Variants in GPC5 observed in about 807,000 individuals in gnomAD.
GPC5 encodes the protein glypican-5.
Under a neutral mutation model 53.9 loss-of-function variants are expected in GPC5, and 47 were observed. The observed-to-expected ratio is 0.87, with a 90% CI of 0.69 to 1.11. The LOEUF (loss-of-function observed/expected upper bound fraction) is 1.11. Ranked by LOEUF, GPC5 falls within the 50% of genes most tolerant of loss-of-function variation. The pLI, the probability that GPC5 is intolerant of heterozygous loss-of-function variation, is 0.00. For synonymous variants in GPC5, 286 were observed against 263.3 expected, an observed-to-expected ratio of 1.09 and a Z score of -0.84; for missense variants, 748 against 713.1, an observed-to-expected ratio of 1.05 and a Z score of -0.56.
At chr13:91,774,833 C>G (rs2037683918) in intron 5 of GPC5, among the ~76,000 whole-genome samples, 1 of 152,154 alleles carries the variant, frequency 6.6e-6, no homozygotes, top group Non-Finnish European at 1.5e-5. Flanking sequence ...TGACTCCAGC[C>G]CAGACCGCCT....
chr13:91,791,024 A>T (rs2037955884), intron 5 of GPC5, among the ~76,000 whole-genome samples: 1 of 152,232 alleles, frequency 6.6e-6, no homozygotes, highest in African/African-American at 2.4e-5. Flanking sequence ...CCAGACTTTT[A>T]ACAGAGACTG....
chr13:91,491,645 C>T (rs1883947712), intron 2 of GPC5, among the ~76,000 whole-genome samples: 1 of 152,090 alleles, frequency 6.6e-6, no homozygotes. Context: ...ACTTCTTGCC[C>T]TTGCTCCTGA....
At chr13:92,442,153 A>G (rs2139387085) in intron 7 of GPC5, among the ~76,000 whole-genome samples, 1 of 152,342 alleles carries the variant, frequency 6.6e-6, no homozygotes. Context: ...CTAGGATGGA[A>G]TCAAAATGAA....
intron 7 of GPC5, among the ~76,000 whole-genome samples, chr13:92,148,448 T>C (rs1472064318): frequency 2.6e-5 from 4 of 152,130 alleles, no homozygotes; most frequent in Non-Finnish European, 5.9e-5. Context: ...TTCTAAATAA[T>C]TTCTATTTGT....
intron 2 of GPC5, among the ~76,000 whole-genome samples, chr13:91,562,226 A>T (rs1267539969): frequency 1.3e-5 from 2 of 149,802 alleles, no homozygotes; most frequent in Non-Finnish European, 3.0e-5. Flanking sequence ...TAGAGAATTC[A>T]CAATGCAGGT....
At chr13:92,708,625 G>A (rs1452086834) in intron 7 of GPC5, among the ~76,000 whole-genome samples, 1 of 151,998 alleles carries the variant, frequency 6.6e-6, no homozygotes, top group Non-Finnish European at 1.5e-5. Context: ...AAAAGTCAGA[G>A]AGTGAAAGTT....
intron 7 of GPC5, among the ~76,000 whole-genome samples, chr13:92,596,744 T>G (rs1883896316): frequency 6.6e-6 from 1 of 152,204 alleles, no homozygotes; most frequent in Non-Finnish European, 1.5e-5. Flanking sequence ...AGTGTTGGGA[T>G]TACAGGCATC....
At chr13:92,382,503 A>G (rs2139309636) in intron 7 of GPC5, among the ~76,000 whole-genome samples, 1 of 152,282 alleles carries the variant, frequency 6.6e-6, no homozygotes. Context: ...GTTACTGATC[A>G]CCATGAAAAG....
chr13:92,699,262 T>C (rs1443694820), intron 7 of GPC5, among the ~76,000 whole-genome samples: 1 of 152,194 alleles, frequency 6.6e-6, no homozygotes, highest in Non-Finnish European at 1.5e-5. Context: ...TTCTGTTGGA[T>C]TGGTGTTGAT....
At chr13:92,322,432 A>G (rs938956128) in intron 7 of GPC5, among the ~76,000 whole-genome samples, 47 of 152,204 alleles carry the variant, frequency 3.1e-4, no homozygotes, top group African/African-American at 1.1e-3. Flanking sequence ...TTAAACATTT[A>G]TAGTTTGGAA....
chr13:91,914,988 G>T (rs1447624403), intron 6 of GPC5, among the ~76,000 whole-genome samples: 1 of 152,106 alleles, frequency 6.6e-6, no homozygotes, highest in African/African-American at 2.4e-5. Context: ...ACGGTAGCAT[G>T]TCAGCTGATT....
At chr13:91,827,745 T>C (rs1315693517) in intron 5 of GPC5, among the ~76,000 whole-genome samples, 1 of 152,130 alleles carries the variant, frequency 6.6e-6, no homozygotes, top group Non-Finnish European at 1.5e-5. Flanking sequence ...TGATTGAAGT[T>C]TAGAATGATA....
At chr13:92,754,550 T>A (rs927798076) in intron 7 of GPC5, among the ~76,000 whole-genome samples, 6 of 151,064 alleles carry the variant, frequency 4.0e-5, no homozygotes, top group Non-Finnish European at 8.8e-5. Context: ...GGATAAAGAG[T>A]CAAGACCCAA....
intron 7 of GPC5, among the ~76,000 whole-genome samples, chr13:92,754,651 G>A (rs1174659568): frequency 6.0e-5 from 9 of 150,266 alleles, no homozygotes; most frequent in Non-Finnish European, 1.3e-4. Flanking sequence ...CAAGCAAATG[G>A]AAAACAAAAA....
intron 7 of GPC5, among the ~76,000 whole-genome samples, chr13:92,171,801 C>T (rs1219609752): frequency 6.6e-6 from 1 of 152,144 alleles, no homozygotes; most frequent in African/African-American, 2.4e-5. Context: ...TCTTCTGAAA[C>T]TCACACACAT....
At chr13:92,462,917 T>C (rs560431087) in intron 7 of GPC5, among the ~76,000 whole-genome samples, 2 of 152,190 alleles carry the variant, frequency 1.3e-5, no homozygotes, top group African/African-American at 2.4e-5. Flanking sequence ...GGTTTCTCCA[T>C]GTTGGTCAGG....
intron 7 of GPC5, among the ~76,000 whole-genome samples, chr13:92,763,713 C>CA (rs1213182937): frequency 1.2e-4 from 19 of 152,202 alleles, no homozygotes; most frequent in Middle Eastern, 3.4e-3. Flanking sequence ...TCCAAAAAGC[C>CA]AAGGACGGTG....
chr13:92,096,245 C>T (rs1379044221), intron 6 of GPC5, among the ~76,000 whole-genome samples: 1 of 152,228 alleles, frequency 6.6e-6, no homozygotes, highest in South Asian at 2.1e-4. Context: ...ACTCCACTAA[C>T]TCTCCCCCTT....
chr13:91,550,439 C>G (rs1178170562), intron 2 of GPC5, among the ~76,000 whole-genome samples: 1 of 152,048 alleles, frequency 6.6e-6, no homozygotes, highest in Non-Finnish European at 1.5e-5. Context: ...TGATAATGTA[C>G]AGGAAATATA....
Sources: allele counts gnomAD v4.1 joint callset (sites outside exome capture counted in the v4.1 genomes callset), GRCh38; gene constraint gnomAD v4.1.1; transcripts MANE v1.5; gene names NCBI Gene and HGNC (gene_info 2026-07-23, HGNC 2026-07-21).